The following GATAD2B variants were observed in gnomAD, a reference collection of about 807,000 sequenced individuals.
GATAD2B encodes the protein GATA zinc finger domain containing 2B, also known as transcriptional repressor p66-beta.
In GATAD2B, 8 loss-of-function variants were observed where a neutral mutation model predicts 64.3. The observed-to-expected ratio is 0.12, with a 90% CI of 0.07 to 0.22. The LOEUF is 0.22. Ranked by LOEUF, GATAD2B falls within the 10% of genes least tolerant of loss-of-function variation. The probability of loss-of-function intolerance (pLI) is 1.00; values close to 1 mark genes in which losing one functional copy is unlikely to be tolerated. For missense variants in GATAD2B, 453 were observed against 752.0 expected (o/e 0.60, Z 4.65); for synonymous variants, 281 against 271.3 (o/e 1.04, Z -0.35).
intron 6 of GATAD2B, 135 bp downstream of exon 6, chr1:153,817,237 A>T: frequency 2.6e-6 from 2 of 782,252 alleles, no homozygotes; most frequent in Non-Finnish European, 3.9e-6. Context: ...GCTCTCAATT[A>T]AATCCCTACC....
chr1:153,829,396 C>G (rs1674998029), intron 1 of GATAD2B, among the ~76,000 whole-genome samples: 1 of 152,100 alleles, frequency 6.6e-6, no homozygotes, highest in African/African-American at 2.4e-5. Flanking sequence ...GTTATTTTAC[C>G]TTCCCAAGTT....
At chr1:153,842,773 C>T (rs1353366972) in intron 1 of GATAD2B, among the ~76,000 whole-genome samples, 2 of 151,788 alleles carry the variant, frequency 1.3e-5, no homozygotes, top group African/African-American at 4.8e-5. Context: ...CTACCTCAAC[C>T]TCCGGAGTAG....
chr1:153,820,678 G>A (rs905641388), intron 2 of GATAD2B, among the ~76,000 whole-genome samples: 1 of 151,922 alleles, frequency 6.6e-6, no homozygotes, highest in Non-Finnish European at 1.5e-5. Flanking sequence ...CACCCAGGCT[G>A]GAGTCCAGTG....
rs1021789707 is a variant in GATAD2B at position 153,816,920 on chromosome 1, C to T, written c.901-332G>A. Among the ~76,000 whole-genome samples, 5 of 152,040 alleles carry T rather than the reference C, an allele frequency of 3.3e-5. No individual in the cohort carries two copies. The highest frequency in any genetic ancestry group is 5.9e-5 in the Non-Finnish European group (4 of 68,018). ...CCAACATGGTCAAACTCTGTCTCTA[C>T]GAAAAATACACAAAATTAGCTGGAA... is the stretch of plus-strand genomic sequence containing the variant. On this transcript the variant is annotated intron_variant, in intron 6 of 10. Coordinates refer to ENST00000368655, the MANE Select transcript of GATAD2B (RefSeq NM_020699.4). The surrounding 1 kb of genome is among the most constrained non-coding windows in gnomAD (Gnocchi z 4.9).
At chr1:153,875,799 A>G (rs1676808317) in intron 1 of GATAD2B, among the ~76,000 whole-genome samples, 2 of 152,090 alleles carry the variant, frequency 1.3e-5, no homozygotes, top group Non-Finnish European at 2.9e-5. Context: ...GCTAACATTC[A>G]CTGAGCTCTT....
intron 1 of GATAD2B, among the ~76,000 whole-genome samples, chr1:153,899,151 GA>G (rs199534176): frequency 0.016 from 2,377 of 152,306 alleles, 25 homozygotes; most frequent in Non-Finnish European, 0.024. Flanking sequence ...GCTACTTGGG[GA>G]ACTGAGGCTA....
intron 1 of GATAD2B, among the ~76,000 whole-genome samples, chr1:153,902,151 A>G (rs1281419144): frequency 6.6e-6 from 1 of 151,842 alleles, no homozygotes; most frequent in Non-Finnish European, 1.5e-5. Flanking sequence ...ATGGTGGCAC[A>G]TGCCTGCAAT....
At chr1:153,857,692 A>C (rs1676137690) in intron 1 of GATAD2B, among the ~76,000 whole-genome samples, 1 of 152,210 alleles carries the variant, frequency 6.6e-6, no homozygotes, top group African/African-American at 2.4e-5. Flanking sequence ...GATATTTATA[A>C]TCAAGAAGCG....
intron 1 of GATAD2B, among the ~76,000 whole-genome samples, chr1:153,851,392 T>C (rs1397439310): frequency 6.6e-6 from 1 of 152,156 alleles, no homozygotes; most frequent in Non-Finnish European, 1.5e-5. Context: ...GCTTGTACCA[T>C]TTTGCATTCC....
chr1:153,900,084 T>C (rs776674300), intron 1 of GATAD2B, among the ~76,000 whole-genome samples: 1 of 152,078 alleles, frequency 6.6e-6, no homozygotes, highest in Non-Finnish European at 1.5e-5. Context: ...ACTAAAACAA[T>C]GAGCTGCAAA....
chr1:153,821,155 A>AT (rs1189687979), intron 2 of GATAD2B, among the ~76,000 whole-genome samples: 3 of 150,456 alleles, frequency 2.0e-5, no homozygotes, highest in South Asian at 2.1e-4. Flanking sequence ...CTAATTTTTT[A>AT]TTTTTTTGTA....
chr1:153,839,346 A>G (rs918182438), intron 1 of GATAD2B, among the ~76,000 whole-genome samples: 26 of 152,096 alleles, frequency 1.7e-4, no homozygotes, highest in Non-Finnish European at 2.9e-4. Flanking sequence ...GACAGAGGAT[A>G]GGGGAATGAA....
intron 1 of GATAD2B, among the ~76,000 whole-genome samples, chr1:153,836,685 A>C (rs1158424699): frequency 6.6e-6 from 1 of 152,192 alleles, no homozygotes; most frequent in African/African-American, 2.4e-5. Context: ...CTGTCTCTTA[A>C]GTACACATAG....
At chr1:153,905,268 T>C (rs1200019038) in intron 1 of GATAD2B, among the ~76,000 whole-genome samples, 6 of 151,922 alleles carry the variant, frequency 3.9e-5, no homozygotes, top group Non-Finnish European at 7.4e-5. Flanking sequence ...CTCAGCTACT[T>C]GGGAGGCTGA....
chr1:153,862,174 G>A (rs1157211754), intron 1 of GATAD2B, among the ~76,000 whole-genome samples: 1 of 142,312 alleles, frequency 7.0e-6, no homozygotes, highest in Non-Finnish European at 1.5e-5. Flanking sequence ...CCAGGATGGA[G>A]TGCAGCGGCG....
intron 2 of GATAD2B, among the ~76,000 whole-genome samples, chr1:153,825,386 G>A (rs1674836998): frequency 6.6e-6 from 1 of 152,106 alleles, no homozygotes; most frequent in Non-Finnish European, 1.5e-5. Flanking sequence ...TAGGGAATCT[G>A]CCTGAGGTTT....
At chr1:153,827,147 G>A (rs1397520879) in intron 2 of GATAD2B, among the ~76,000 whole-genome samples, 2 of 150,572 alleles carry the variant, frequency 1.3e-5, no homozygotes, top group Non-Finnish European at 3.0e-5. Context: ...CAAGGGGGGT[G>A]GGGTGTGGGT....
chr1:153,813,187 A>C (rs1674351268), intron 8 of GATAD2B, 63 bp downstream of exon 8: 2 of 1,294,982 alleles, frequency 1.5e-6, no homozygotes, highest in Non-Finnish European at 2.2e-6. Context: ...GCAAACTAGA[A>C]GGCGCGACCC....
At chr1:153,914,949 A>G (rs1161562425) in intron 1 of GATAD2B, among the ~76,000 whole-genome samples, 3 of 151,900 alleles carry the variant, frequency 2.0e-5, no homozygotes, top group Non-Finnish European at 2.9e-5. Context: ...AAAGGCCAGG[A>G]GCAGTGGCTC....
Sources: allele counts gnomAD v4.1 joint callset (sites outside exome capture counted in the v4.1 genomes callset), GRCh38; gene constraint gnomAD v4.1.1; non-coding constraint Gnocchi (gnomAD v3.1); transcripts MANE v1.5; gene names NCBI Gene and HGNC (gene_info 2026-07-23, HGNC 2026-07-21).